NBEAL1: variants seen among roughly 807,000 people sequenced by gnomAD.
The protein encoded by NBEAL1 is neurobeachin like 1, also known as neurobeachin-like protein 1.
In NBEAL1, 273 loss-of-function variants were observed where a neutral mutation model predicts 351.3. The observed-to-expected ratio is 0.78, with a 90% CI of 0.70 to 0.86. The LOEUF (loss-of-function observed/expected upper bound fraction) is 0.86. Among genes scored for constraint, NBEAL1 ranks in the 40% least tolerant of loss-of-function variants. NBEAL1 has a pLI of 0.00. For missense variants in NBEAL1, 2,961 were observed against 3,201.3 expected (o/e 0.92, Z 1.81); for synonymous variants, 1,050 against 1,086.4 (o/e 0.97, Z 0.66).
At chr2:203,058,709 G>T (rs906805785) in intron 6 of NBEAL1, among the ~76,000 whole-genome samples, 1 of 152,208 alleles carries the variant, frequency 6.6e-6, no homozygotes, top group South Asian at 2.1e-4. Flanking sequence ...ACCAGTTGTT[G>T]CTCTCTTTCT....
At chr2:203,052,145 A>G (rs1468575913) in intron 4 of NBEAL1, 1 of 152,152 alleles carries the variant, frequency 6.6e-6, no homozygotes, top group Non-Finnish European at 1.5e-5. Flanking sequence ...AGGATCATAT[A>G]GAATAGTTTT....
intron 2 of NBEAL1, among the ~76,000 whole-genome samples, chr2:203,034,127 A>G (rs1054128681): frequency 6.8e-6 from 1 of 147,928 alleles, no homozygotes; most frequent in Non-Finnish European, 1.5e-5. Context: ...ATGGTCTAGC[A>G]TGGTCCCTAG....
chr2:203,024,895 C>T (rs1163656077), intron 2 of NBEAL1, among the ~76,000 whole-genome samples: 2 of 152,056 alleles, frequency 1.3e-5, no homozygotes, highest in African/African-American at 4.8e-5. Flanking sequence ...TACATACATA[C>T]ATAAATTGAT....
At chr2:203,161,780 C>G (rs2063970143) in intron 36 of NBEAL1, among the ~76,000 whole-genome samples, 1 of 152,030 alleles carries the variant, frequency 6.6e-6, no homozygotes, top group South Asian at 2.1e-4. Flanking sequence ...CTGCAGTAAG[C>G]TATGATCACC....
At chr2:203,198,954 G>A (rs1016598801) in intron 48 of NBEAL1, among the ~76,000 whole-genome samples, 5 of 152,022 alleles carry the variant, frequency 3.3e-5, no homozygotes, top group African/African-American at 4.8e-5. Context: ...TTGGGAGGCC[G>A]AGGTGGGAGG....
chr2:203,014,712 TG>T (rs2060647164), upstream of NBEAL1: 2 of 152,246 alleles, frequency 1.3e-5, no homozygotes, highest in Admixed American at 6.5e-5. Flanking sequence ...TGCGCAGGTA[TG>T]CTGGGGCGGG....
intron 17 of NBEAL1, among the ~76,000 whole-genome samples, chr2:203,114,725 C>A (rs114127243): frequency 6.6e-6 from 1 of 151,886 alleles, no homozygotes; most frequent in Non-Finnish European, 1.5e-5. Context: ...TATATTAGAA[C>A]CTTATCTTTT....
intron 26 of NBEAL1, among the ~76,000 whole-genome samples, chr2:203,132,645 C>T (rs2063100408): frequency 6.6e-6 from 1 of 152,122 alleles, no homozygotes; most frequent in African/African-American, 2.4e-5. Context: ...GCTGGAACTA[C>T]AGGCATGTTT....
intron 46 of NBEAL1, chr2:203,190,592 T>C: frequency 1.7e-6 from 1 of 597,078 alleles, no homozygotes; most frequent in Non-Finnish European, 2.7e-6. Flanking sequence ...ACTGTCCTCA[T>C]GCTGGGACTC....
chr2:203,180,398 C>A lies in NBEAL1; in HGVS notation c.6481C>A (p.Arg2161=). Residue 2161 remains arginine, a synonymous_variant, in exon 43 of 56, where the codon CGA becomes AGA. Coordinates refer to ENST00000683969, the MANE Select transcript of NBEAL1 (RefSeq NM_001378026.1). ...LQSGRFDCAD[R]QFHSIPATWQ... ...TACATGCAGGTTTGACTGTGCAGAT[C>A]GACAGTTCCATTCTATTCCTGCTAC... The A allele has an allele frequency of 6.2e-7, 1 of 1,610,446 alleles. No homozygotes were observed. Among genetic ancestry groups the A allele is most frequent in the South Asian group, 1.1e-5 (1 of 90,084 alleles).
rs1376195551 is a variant in NBEAL1, at chr2:203,202,937, T to G, written c.7506+156T>G. ...TTTTGTCCTGTTCAAATCACCACAT[T>G]TTTTCCTAGGTTTACTGTCTGATTC... On this transcript the variant is annotated intron_variant, in intron 51 of 55. Coordinates refer to ENST00000683969, the MANE Select transcript of NBEAL1 (RefSeq NM_001378026.1). Among the ~76,000 whole-genome samples the G allele has an allele frequency of 1.3e-5, 2 of 152,200 alleles. 1 individual carries two copies. Among genetic ancestry groups the G allele is most frequent in the Non-Finnish European group, 2.9e-5 (2 of 68,034 alleles).
intron 26 of NBEAL1, 98 bp from the exon 27 acceptor site, chr2:203,132,960 G>T (rs1413727406): frequency 8.0e-6 from 5 of 628,668 alleles, no homozygotes; most frequent in Non-Finnish European, 1.4e-5. Flanking sequence ...ATTTTAAAAT[G>T]AAATAATTAT....
In NBEAL1 at chr2:203,169,735, T is replaced by G. The variant is rs1346862103; in HGVS notation, c.5998-12T>G. 6.8e-7 allele frequency: 1 copy of G among 1,471,750 alleles called. No individual in the cohort carries two copies. The highest frequency in any genetic ancestry group is 1.4e-5 in the African/African-American group (1 of 70,620). The allele number at this position is 1,471,750 out of a possible 1,614,324, so 91.2% of individuals were successfully genotyped here. A position where few individuals can be genotyped will look rare whatever the true frequency, so the allele number is the denominator to read the frequency against. Reference sequence around the variant, plus strand: ...GATTCATTTTTAAAGTATAAAATGCTGTTTTTTATAGGTTAGAAACAAAAT... The same window carrying G: ...GATTCATTTTTAAAGTATAAAATGCGGTTTTTTATAGGTTAGAAACAAAAT... On this transcript the variant is annotated splice_polypyrimidine_tract_variant and intron_variant, in intron 38 of 55. Transcript: ENST00000683969.
chr2:203,213,661 C>T lies in NBEAL1; in HGVS notation c.8070+8C>T. The T allele has an allele frequency of 6.2e-7, 1 of 1,613,522 alleles. No homozygotes were observed. Among genetic ancestry groups the T allele is most frequent in the Non-Finnish European group, 8.5e-7 (1 of 1,179,848 alleles). On this transcript the variant is annotated splice_region_variant and intron_variant, in intron 55 of 55. Coordinates refer to ENST00000683969, the MANE Select transcript of NBEAL1 (RefSeq NM_001378026.1). ...GTTGGCAAGCCTGCTGAGGTAAAAC[C>T]TAGCATCAGTAATTTCATTTCTCAT...
In NBEAL1 at chr2:203,016,438, A is replaced by G; in HGVS notation, c.51+3A>G. 1.4e-6 allele frequency: 2 copies of G among 1,438,862 alleles called. No individual in the cohort carries two copies. The highest frequency in any genetic ancestry group is 1.9e-6 in the Non-Finnish European group (2 of 1,073,630). 89.1% of individuals were successfully genotyped at this position (1,438,862 alleles called of 1,614,324 possible). A position where few individuals can be genotyped will look rare whatever the true frequency, so the allele number is the denominator to read the frequency against. ...TTTGGATGCTTTATTGTACAAAGGTAATTGCTTTCCTTTTTATTTTTATGT... is the reference window on the plus strand; with the variant it reads ...TTTGGATGCTTTATTGTACAAAGGTGATTGCTTTCCTTTTTATTTTTATGT... On this transcript the variant is annotated splice_donor_region_variant and intron_variant, in intron 2 of 55. Coordinates refer to ENST00000683969, the MANE Select transcript of NBEAL1 (RefSeq NM_001378026.1).
At chr2:203,138,599 A>G in intron 30 of NBEAL1, 21 bp from the exon 31 acceptor site, 1 of 1,566,438 alleles carries the variant, frequency 6.4e-7, no homozygotes, top group Non-Finnish European at 8.6e-7. Flanking sequence ...TTTATTTCTC[A>G]ATTTTTTTCC....
At position 203,049,965 on chromosome 2, in the gene NBEAL1, A is replaced by G. The variant is rs1179077666; in HGVS notation, c.295A>G (p.Ile99Val). Residue 99 changes from isoleucine to valine, a missense_variant, in exon 4 of 56, where the codon ATT (isoleucine) becomes GTT (valine). Physicochemically the swap from Ile to Val is conservative, Grantham distance 29 (BLOSUM62 3). Coordinates refer to ENST00000683969, the MANE Select transcript of NBEAL1 (RefSeq NM_001378026.1). ...AATTTTGCTTGTCAAGTTCTTCATT[A>G]TTCTTTGCAGGTATCTAGTAGAAAA... ...LSILLVKFFIILCRNLSNVEE... is the reference protein window; with the variant it reads ...LSILLVKFFIVLCRNLSNVEE... The G allele has an allele frequency of 1.3e-6, 2 of 1,551,720 alleles. No homozygotes were observed. The highest frequency in any genetic ancestry group is 8.7e-7 in the Non-Finnish European group (1 of 1,146,788).
At chr2:203,151,194 AG>A (rs2063641387) in intron 34 of NBEAL1, among the ~76,000 whole-genome samples, 1 of 152,048 alleles carries the variant, frequency 6.6e-6, no homozygotes, top group Non-Finnish European at 1.5e-5. Context: ...AGCTGGGCGT[AG>A]GGGCACATGC....
Position 203,209,251 on chromosome 2 carries a change from C to A in NBEAL1, c.7714C>A (p.Pro2572Thr). 6.2e-7 allele frequency: 1 copy of A among 1,613,824 alleles called. No homozygotes were observed. Among genetic ancestry groups the A allele is most frequent in the Non-Finnish European group, 8.5e-7 (1 of 1,179,752 alleles). Reference sequence around the variant, plus strand: ...TGAGAGTTCTCTGTTCCTGACCATTCCTAATTTGGCTATATCTTGGGAAGG... The same window carrying A: ...TGAGAGTTCTCTGTTCCTGACCATTACTAATTTGGCTATATCTTGGGAAGG... ...PCESSLFLTI[P>T]NLAISWEGHI... The change falls in exon 53 of 56, where the codon CCT (proline) becomes ACT (threonine). Residue 2572 changes from proline to threonine, a missense_variant. Coordinates refer to ENST00000683969, the MANE Select transcript of NBEAL1 (RefSeq NM_001378026.1).
Sources: gnomAD v4.1 joint callset for allele counts (sites outside exome capture counted in the v4.1 genomes callset) on GRCh38, gnomAD v4.1.1 for gene constraint, MANE v1.5 for transcripts, NCBI Gene and HGNC (gene_info 2026-07-23, HGNC 2026-07-21) for gene names.